The following SHISA6 variants were observed in gnomAD, a reference collection of about 807,000 sequenced individuals.
SHISA6 encodes protein shisa-6.
Under a neutral mutation model 47.9 loss-of-function variants are expected in SHISA6, and 22 were observed. The ratio of observed to expected loss-of-function variants is 0.46; its 90% CI spans 0.33 to 0.66. SHISA6 has a LOEUF of 0.66. Among genes scored for constraint, SHISA6 ranks in the 30% least tolerant of loss-of-function variants. The pLI is 0.02. For synonymous variants in SHISA6, 388 were observed against 337.8 expected, an observed-to-expected ratio of 1.15 and a Z score of -1.63; for missense variants, 680 against 764.6, an observed-to-expected ratio of 0.89 and a Z score of 1.30.
At chr17:11,526,831 A>G (rs1567629761) in intron 3 of SHISA6, among the ~76,000 whole-genome samples, 1 of 101,940 alleles carries the variant, frequency 9.8e-6, no homozygotes, top group Non-Finnish European at 2.1e-5. Context: ...ATATTTGTAT[A>G]TATTTCTGGG....
intron 3 of SHISA6, among the ~76,000 whole-genome samples, chr17:11,513,088 A>G (rs557584607): frequency 6.6e-6 from 1 of 151,586 alleles, no homozygotes; most frequent in African/African-American, 2.4e-5. Context: ...ATGAGTACCT[A>G]TTTTTCTTTC....
rs34270452 is a variant in SHISA6 at position 11,425,006 on chromosome 17, CAAAAAAAAA to C, written c.895+45511_895+45519del. On this transcript the variant is annotated intron_variant, in intron 3 of 5. Transcript: ENST00000441885. ...TGAGCGACAGAGTGATACTCCGTCT[CAAAAAAAAA>C]AAAAAAAAAAAAATGAGGAAATAAC... Among the ~76,000 whole-genome samples the C allele has an allele frequency of 6.1e-4, 43 of 70,058 alleles. No individual in the cohort carries two copies. The South Asian group carries it at 0.024, about 39-fold the overall frequency. 46.0% of individuals were successfully genotyped at this position (70,058 alleles called of 152,430 possible).
chr17:11,502,813 C>T (rs1002316532), intron 3 of SHISA6, among the ~76,000 whole-genome samples: 2 of 152,208 alleles, frequency 1.3e-5, no homozygotes, highest in African/African-American at 2.4e-5. Context: ...CAATGTCATG[C>T]TCACCTTTGT....
At chr17:11,300,149 C>CAAAAAAAAAAAAAAAAAAAA (rs56060137) in intron 2 of SHISA6, among the ~76,000 whole-genome samples, 2 of 129,158 alleles carry the variant, frequency 1.5e-5, no homozygotes, top group Non-Finnish European at 3.2e-5. Context: ...CATCTTAAAA[C>CAAAAAAAAAAAAAAAAAAAA]AAAAAAAAAA....
chr17:11,458,606 C>A (rs912040124), intron 3 of SHISA6, among the ~76,000 whole-genome samples: 1 of 152,114 alleles, frequency 6.6e-6, no homozygotes, highest in Non-Finnish European at 1.5e-5. Flanking sequence ...GGATGAGGGG[C>A]CCCTCTGCAA....
intron 1 of SHISA6, among the ~76,000 whole-genome samples, chr17:11,262,037 G>C (rs898963279): frequency 6.6e-6 from 1 of 152,166 alleles, no homozygotes. Context: ...GTATCTCAGT[G>C]TGATTTACAG....
chr17:11,538,018 C>CT (rs1357262106), intron 3 of SHISA6, among the ~76,000 whole-genome samples: 5 of 152,262 alleles, frequency 3.3e-5, no homozygotes, highest in Admixed American at 2.0e-4. Context: ...ACTGGAGGAC[C>CT]TGAGTATGGC....
intron 3 of SHISA6, among the ~76,000 whole-genome samples, chr17:11,542,754 C>T (rs1227867042): frequency 2.0e-5 from 3 of 152,144 alleles, no homozygotes; most frequent in Non-Finnish European, 4.4e-5. Context: ...AGCTCAGTGC[C>T]TTCCTCTACC....
At chr17:11,530,823 G>A (rs1368983050) in intron 3 of SHISA6, among the ~76,000 whole-genome samples, 2 of 152,218 alleles carry the variant, frequency 1.3e-5, no homozygotes, top group Admixed American at 6.5e-5. Context: ...ATATGTTTCA[G>A]AGCGAGGCAG....
intron 3 of SHISA6, among the ~76,000 whole-genome samples, chr17:11,473,100 C>A (rs1188631999): frequency 6.6e-6 from 1 of 152,134 alleles, no homozygotes; most frequent in East Asian, 1.9e-4. Context: ...TATTTCCTCC[C>A]AGGCTGTACT....
Position 11,308,511 on chromosome 17 carries a change from G to A in SHISA6, c.799+44985G>A, listed in dbSNP as rs371994051. On this transcript the variant is annotated intron_variant, in intron 2 of 5. Coordinates refer to ENST00000441885, the MANE Select transcript of SHISA6 (RefSeq NM_207386.4). ...CTCTACCAAAGGCCACAGTATCTCA[G>A]ACTTCCCAGTACAATTTCCAGAGTG... is the stretch of plus-strand genomic sequence containing the variant. Among the ~76,000 whole-genome samples, 32 of 152,242 alleles carry A rather than the reference G, an allele frequency of 2.1e-4. No individual in the cohort carries two copies. The East Asian group carries it at 5.2e-3, about 25-fold the overall frequency.
rs575609237 is a variant in SHISA6 at position 11,347,110 on chromosome 17, T to A, written c.800-32304T>A. Among the ~76,000 whole-genome samples the A allele has an allele frequency of 7.9e-5, 12 of 152,108 alleles. No individual in the cohort carries two copies. The South Asian group carries it at 2.5e-3, about 32-fold the overall frequency. On this transcript the variant is annotated intron_variant, in intron 2 of 5. Coordinates refer to ENST00000441885, the MANE Select transcript of SHISA6 (RefSeq NM_207386.4). ...TGATTCATCTTCCATGCACAAATGT[T>A]CACAGGAAAGGTAGGAAGATGGAAA...
At chr17:11,429,957 A>C (rs1383466627) in intron 3 of SHISA6, among the ~76,000 whole-genome samples, 1 of 152,160 alleles carries the variant, frequency 6.6e-6, no homozygotes, top group Admixed American at 6.5e-5. Flanking sequence ...GTTACCTACA[A>C]TCAGGTATTT....
intron 3 of SHISA6, among the ~76,000 whole-genome samples, chr17:11,397,309 C>T (rs1324099432): frequency 6.6e-6 from 1 of 151,494 alleles, no homozygotes; most frequent in African/African-American, 2.4e-5. Context: ...TTCCTGCCTC[C>T]TTTCTCTTTC....
At chr17:11,252,343 C>T (rs977929670) in intron 1 of SHISA6, among the ~76,000 whole-genome samples, 1 of 152,186 alleles carries the variant, frequency 6.6e-6, no homozygotes, top group Non-Finnish European at 1.5e-5. Context: ...TCTCATTACT[C>T]AGGACATCTG....
intron 3 of SHISA6, among the ~76,000 whole-genome samples, chr17:11,509,511 A>T (rs555380495): frequency 1.8e-4 from 27 of 152,316 alleles, no homozygotes; most frequent in South Asian, 1.5e-3. Flanking sequence ...ACCAGCACGA[A>T]CACTTTCCAT....
At chr17:11,446,467 C>G (rs2142301639) in intron 3 of SHISA6, among the ~76,000 whole-genome samples, 1 of 152,360 alleles carries the variant, frequency 6.6e-6, no homozygotes, top group Non-Finnish European at 1.5e-5. Context: ...CTTGTTTGTG[C>G]TAATTACTGT....
At chr17:11,462,370 C>A (rs1251674147) in intron 3 of SHISA6, among the ~76,000 whole-genome samples, 1 of 152,180 alleles carries the variant, frequency 6.6e-6, no homozygotes, top group Admixed American at 6.5e-5. Flanking sequence ...AGATTCTCAT[C>A]TTATCCCAGC....
chr17:11,260,413 A>G (rs1908184458), intron 1 of SHISA6, among the ~76,000 whole-genome samples: 1 of 152,066 alleles, frequency 6.6e-6, no homozygotes, highest in South Asian at 2.1e-4. Context: ...TGTCGTCCAC[A>G]TGGGGGGTGA....
Sources: allele counts gnomAD v4.1 joint callset (sites outside exome capture counted in the v4.1 genomes callset), GRCh38; gene constraint gnomAD v4.1.1; transcripts MANE v1.5; gene names NCBI Gene and HGNC (gene_info 2026-07-23, HGNC 2026-07-21).